The following CNOT4 variants were observed in gnomAD, a reference collection of about 807,000 sequenced individuals.
CNOT4 encodes the protein CCR4-associated factor 4.
CNOT4 carries 8 observed loss-of-function variants against 73.8 expected under a neutral mutation model. That is an observed-to-expected ratio of 0.11 (90% CI 0.06 to 0.20). The LOEUF is 0.20. Ranked by LOEUF, CNOT4 falls within the 10% of genes least tolerant of loss-of-function variation. The pLI is 1.00. For synonymous variants in CNOT4, 293 were observed against 321.1 expected (o/e 0.91, Z 0.94); for missense variants, 564 against 883.4 (o/e 0.64, Z 4.58).
intron 10 of CNOT4, among the ~76,000 whole-genome samples, chr7:135,378,942 G>A (rs1436982204): frequency 3.5e-5 from 5 of 143,552 alleles, no homozygotes; most frequent in African/African-American, 5.2e-5. Context: ...CCGTGTTTGC[G>A]CCACTGCACT....
At chr7:135,501,521 C>G (rs909097396) in intron 1 of CNOT4, among the ~76,000 whole-genome samples, 2 of 152,186 alleles carry the variant, frequency 1.3e-5, no homozygotes, top group African/African-American at 4.8e-5. Context: ...AGAATAGCTC[C>G]TTACCTCAGT....
At chr7:135,392,112 C>T (rs1006957522) in intron 10 of CNOT4, among the ~76,000 whole-genome samples, 1 of 152,038 alleles carries the variant, frequency 6.6e-6, no homozygotes, top group Non-Finnish European at 1.5e-5. Context: ...TCCCCTGCTG[C>T]TAACCCAAAT....
In CNOT4 at chr7:135,410,460, G is replaced by A. The variant is rs958038746; in HGVS notation, c.821+55C>T. On this transcript the variant is annotated intron_variant, in intron 7 of 11. Coordinates refer to ENST00000541284, the MANE Select transcript of CNOT4 (RefSeq NM_001190850.2). The stretch of plus-strand genomic sequence containing the variant: ...GCCTGAAAAAGATCTAAAATGAAAA[G>A]AGAAGATCAACTGATAAGAAGGTAA... The A allele has an allele frequency of 6.8e-6, 8 of 1,172,590 alleles. No homozygotes were observed. The African/African-American group carries it at 1.3e-4, about 19-fold the overall frequency. The allele number at this position is 1,172,590 out of a possible 1,614,324, so 72.6% of individuals were successfully genotyped here.
At chr7:135,416,616 C>G (rs1363074132) in intron 3 of CNOT4, among the ~76,000 whole-genome samples, 1 of 152,130 alleles carries the variant, frequency 6.6e-6, no homozygotes, top group Non-Finnish European at 1.5e-5. Context: ...ATTCAATATT[C>G]CAGCTGGATG....
intron 1 of CNOT4, among the ~76,000 whole-genome samples, chr7:135,472,965 C>T (rs552124787): frequency 3.2e-4 from 48 of 151,442 alleles, no homozygotes; most frequent in Non-Finnish European, 5.6e-4. Flanking sequence ...TGCCTGAATC[C>T]GGGAGGCCGA....
chr7:135,460,122 G>C (rs1178756987), intron 1 of CNOT4, among the ~76,000 whole-genome samples: 2 of 152,232 alleles, frequency 1.3e-5, no homozygotes, highest in Non-Finnish European at 2.9e-5. Context: ...CTCTGGATTA[G>C]GTTGTGGTTT....
intron 2 of CNOT4, among the ~76,000 whole-genome samples, chr7:135,430,796 T>G (rs1329501298): frequency 6.6e-6 from 1 of 152,120 alleles, no homozygotes; most frequent in Non-Finnish European, 1.5e-5. Context: ...AAAGGAAAAC[T>G]TCCTTGACCT....
intron 10 of CNOT4, among the ~76,000 whole-genome samples, chr7:135,377,579 T>G (rs954285287): frequency 6.6e-6 from 1 of 152,180 alleles, no homozygotes. Context: ...AATTTGCAAA[T>G]GGTGTCTCAA....
chr7:135,494,315 C>T (rs1585731186), intron 1 of CNOT4, among the ~76,000 whole-genome samples: 5 of 151,612 alleles, frequency 3.3e-5, no homozygotes, highest in African/African-American at 1.2e-4. Flanking sequence ...ACTAAAAATA[C>T]AAAAATTAGC....
rs536744040 is a variant in CNOT4 at position 135,421,690 on chromosome 7, C to G, written c.372+466G>C. On this transcript the variant is annotated intron_variant, in intron 3 of 11. Transcript: ENST00000541284. ...CTTAAAATGAATAAGAATGATGAGA[C>G]AGTATAGTAATAGTTCTGAAAAATC... 8.5e-5 allele frequency among the ~76,000 whole-genome samples: 13 copies of G among 152,260 alleles called. No individual in the cohort carries two copies. The South Asian group carries it at 2.7e-3, about 32-fold the overall frequency.
intron 1 of CNOT4, among the ~76,000 whole-genome samples, chr7:135,498,001 C>G (rs1462938989): frequency 2.6e-5 from 4 of 152,214 alleles, no homozygotes; most frequent in Non-Finnish European, 5.9e-5. Flanking sequence ...CTATTCCAAG[C>G]ACTTTATATA....
chr7:135,384,562 G>A, intron 10 of CNOT4: 1 of 690,680 alleles, frequency 1.4e-6, no homozygotes, highest in Middle Eastern at 2.4e-4. Flanking sequence ...TGGGATTACA[G>A]GCGTGAGCCA....
intron 1 of CNOT4, among the ~76,000 whole-genome samples, chr7:135,495,701 AG>A (rs1285232475): frequency 2.6e-4 from 11 of 42,790 alleles, no homozygotes; most frequent in African/African-American, 3.7e-4. Context: ...AAAGAAAGAA[AG>A]AAAGAAAGAA....
At chr7:135,397,702 T>G (rs1280853373) in intron 8 of CNOT4, among the ~76,000 whole-genome samples, 1 of 152,024 alleles carries the variant, frequency 6.6e-6, no homozygotes, top group African/African-American at 2.4e-5. Flanking sequence ...TAAATTCAAC[T>G]TTGAACAGTT....
chr7:135,459,041 T>C (rs183721919), intron 1 of CNOT4, among the ~76,000 whole-genome samples: 27 of 152,108 alleles, frequency 1.8e-4, no homozygotes, highest in African/African-American at 6.0e-4. Flanking sequence ...CTTATGAACA[T>C]TGTATTTCTT....
At chr7:135,497,119 C>T (rs1412302300) in intron 1 of CNOT4, among the ~76,000 whole-genome samples, 1 of 151,658 alleles carries the variant, frequency 6.6e-6, no homozygotes, top group Non-Finnish European at 1.5e-5. Flanking sequence ...TTTTTATATT[C>T]TCATAGGGTC....
chr7:135,403,721 C>G (rs1797123615), intron 7 of CNOT4, among the ~76,000 whole-genome samples: 1 of 152,170 alleles, frequency 6.6e-6, no homozygotes, highest in Non-Finnish European at 1.5e-5. Flanking sequence ...ACCTACTTAA[C>G]ATGAATGAAA....
intron 1 of CNOT4, among the ~76,000 whole-genome samples, chr7:135,453,420 T>G (rs1563059224): frequency 6.6e-6 from 1 of 152,136 alleles, no homozygotes; most frequent in Non-Finnish European, 1.5e-5. Flanking sequence ...TTATGCTCCT[T>G]GCCCACCAAG....
At chr7:135,414,198 G>T in intron 5 of CNOT4, 133 bp downstream of exon 5, 1 of 458,936 alleles carries the variant, frequency 2.2e-6, no homozygotes, top group Admixed American at 3.9e-5. Flanking sequence ...TATAATAGAT[G>T]GTATGGACCC....
Sources: gnomAD v4.1 joint callset for allele counts (sites outside exome capture counted in the v4.1 genomes callset) on GRCh38, gnomAD v4.1.1 for gene constraint, MANE v1.5 for transcripts, NCBI Gene and HGNC (gene_info 2026-07-23, HGNC 2026-07-21) for gene names.